Variants in SH3GL2 observed in about 807,000 individuals in gnomAD.
The protein encoded by SH3GL2 is SH3 domain containing GRB2 like 2, endophilin A1.
Under a neutral mutation model 46.0 loss-of-function variants are expected in SH3GL2, and 24 were observed. That is an observed-to-expected ratio of 0.52 (90% CI 0.38 to 0.73). The LOEUF is 0.73. Among genes scored for constraint, SH3GL2 ranks in the 30% least tolerant of loss-of-function variants. SH3GL2 has a pLI of 0.00. For missense variants in SH3GL2, 413 were observed against 424.2 expected (o/e 0.97, Z 0.23); for synonymous variants, 196 against 147.1 (o/e 1.33, Z -2.40).
intron 1 of SH3GL2, among the ~76,000 whole-genome samples, chr9:17,666,458 T>C (rs747164506): frequency 2.0e-5 from 3 of 151,934 alleles, no homozygotes; most frequent in Non-Finnish European, 4.4e-5. Context: ...GTATCATTAG[T>C]TTTTGGTTTA....
chr9:17,740,021 C>T (rs1244031548), intron 1 of SH3GL2, among the ~76,000 whole-genome samples: 1 of 152,076 alleles, frequency 6.6e-6, no homozygotes, highest in African/African-American at 2.4e-5. Flanking sequence ...AAGTTTTTAG[C>T]TCTAGATATT....
intron 1 of SH3GL2, among the ~76,000 whole-genome samples, chr9:17,727,553 GA>G (rs1355741589): frequency 1.3e-5 from 2 of 152,148 alleles, no homozygotes; most frequent in African/African-American, 4.8e-5. Context: ...GGCCACCTCT[GA>G]CTTTCCTGCC....
intron 1 of SH3GL2, among the ~76,000 whole-genome samples, chr9:17,721,376 A>G (rs1821890370): frequency 6.6e-6 from 1 of 152,254 alleles, no homozygotes; most frequent in Non-Finnish European, 1.5e-5. Flanking sequence ...TAGTTTTGAT[A>G]TATAAGGACT....
At chr9:17,589,978 A>C (rs1818450528) in intron 1 of SH3GL2, 1 of 152,122 alleles carries the variant, frequency 6.6e-6, no homozygotes, top group Non-Finnish European at 1.5e-5. Context: ...TGGCACCCTG[A>C]GATATATTTT....
intron 1 of SH3GL2, chr9:17,590,301 G>A (rs3808776): frequency 0.59 from 89,500 of 151,978 alleles, 28,620 homozygotes; most frequent in Non-Finnish European, 0.71. Flanking sequence ...CATCATCATC[G>A]TATAATACAC....
In SH3GL2 at chr9:17,779,536, G is replaced by C. The variant is rs142743663; in HGVS notation, c.188-6845G>C. On this transcript the variant is annotated intron_variant, in intron 3 of 8. Coordinates refer to ENST00000380607, the MANE Select transcript of SH3GL2 (RefSeq NM_003026.5). The stretch of plus-strand genomic sequence containing the variant: ...CCTCTTTCTGCAAATAGGAGTAATT[G>C]AACCAAACCCACAGAGTTGTGAAGA... Among the ~76,000 whole-genome samples the C allele has an allele frequency of 1.7e-4, 26 of 152,120 alleles. 1 individual carries two copies. In the East Asian group the frequency reaches 4.8e-3, roughly 28 times the overall value.
intron 1 of SH3GL2, among the ~76,000 whole-genome samples, chr9:17,649,065 TAACTC>T (rs991268795): frequency 1.3e-5 from 2 of 152,180 alleles, no homozygotes; most frequent in South Asian, 2.1e-4. Context: ...CTTTTTCTCT[TAACTC>T]AAGGATTAAT....
At chr9:17,588,315 C>T (rs1048003131) in intron 1 of SH3GL2, among the ~76,000 whole-genome samples, 4 of 152,180 alleles carry the variant, frequency 2.6e-5, no homozygotes, top group African/African-American at 9.7e-5. Context: ...GTGTACTCTC[C>T]TCCCCTTTGA....
chr9:17,730,804 T>C (rs918407676), intron 1 of SH3GL2, among the ~76,000 whole-genome samples: 1 of 152,076 alleles, frequency 6.6e-6, no homozygotes, highest in Non-Finnish European at 1.5e-5. Flanking sequence ...AGTGCAAAAT[T>C]TTCAGGAAAC....
intron 1 of SH3GL2, among the ~76,000 whole-genome samples, chr9:17,628,427 T>G (rs1450504940): frequency 6.7e-6 from 1 of 148,244 alleles, no homozygotes; most frequent in African/African-American, 2.6e-5. Context: ...TGTGTGTGTG[T>G]GTGTGTGTGT....
intron 3 of SH3GL2, among the ~76,000 whole-genome samples, chr9:17,773,452 C>G (rs987067379): frequency 6.6e-6 from 1 of 152,092 alleles, no homozygotes; most frequent in African/African-American, 2.4e-5. Context: ...GATCTTACAG[C>G]TAGCTCTTTA....
chr9:17,733,474 G>C (rs1028086675), intron 1 of SH3GL2, among the ~76,000 whole-genome samples: 1 of 151,576 alleles, frequency 6.6e-6, no homozygotes, highest in Admixed American at 6.6e-5. Flanking sequence ...GAAACAACAG[G>C]TGCTGGAGAG....
At chr9:17,711,005 C>G (rs1821607889) in intron 1 of SH3GL2, among the ~76,000 whole-genome samples, 1 of 151,912 alleles carries the variant, frequency 6.6e-6, no homozygotes, top group Non-Finnish European at 1.5e-5. Context: ...CTGTCTCTCG[C>G]TCTCTCAGAA....
chr9:17,756,597 T>C (rs946335641), intron 2 of SH3GL2, among the ~76,000 whole-genome samples: 10 of 151,612 alleles, frequency 6.6e-5, no homozygotes, highest in Non-Finnish European at 1.3e-4. Context: ...GTCCTTGCAA[T>C]AGTTTGCTGA....
intron 1 of SH3GL2, among the ~76,000 whole-genome samples, chr9:17,652,930 C>G (rs10756894): frequency 0.35 from 53,489 of 151,886 alleles, 10,654 homozygotes; most frequent in South Asian, 0.55. Flanking sequence ...TACAGCATTT[C>G]CTGTAGGTAA....
At chr9:17,778,070 C>T (rs1823695257) in intron 3 of SH3GL2, among the ~76,000 whole-genome samples, 1 of 152,094 alleles carries the variant, frequency 6.6e-6, no homozygotes, top group Non-Finnish European at 1.5e-5. Context: ...AACATACTTC[C>T]ATAACACAAT....
intron 8 of SH3GL2, among the ~76,000 whole-genome samples, chr9:17,794,607 A>T (rs566346800): frequency 6.6e-6 from 1 of 152,194 alleles, no homozygotes; most frequent in Non-Finnish European, 1.5e-5. Flanking sequence ...AATAAATTAC[A>T]TTGTTTCCTT....
intron 1 of SH3GL2, among the ~76,000 whole-genome samples, chr9:17,638,540 A>G (rs1029212191): frequency 1.3e-5 from 2 of 152,200 alleles, no homozygotes; most frequent in African/African-American, 2.4e-5. Context: ...ATTATTTTGG[A>G]TAGAGTGGTG....
At chr9:17,781,499 G>A (rs1237953042) in intron 3 of SH3GL2, among the ~76,000 whole-genome samples, 1 of 151,652 alleles carries the variant, frequency 6.6e-6, no homozygotes, top group Admixed American at 6.6e-5. Context: ...GATCCCATTT[G>A]TCAATTTTGG....
Sources: gnomAD v4.1 joint callset for allele counts (sites outside exome capture counted in the v4.1 genomes callset) on GRCh38, gnomAD v4.1.1 for gene constraint, MANE v1.5 for transcripts, NCBI Gene and HGNC (gene_info 2026-07-23, HGNC 2026-07-21) for gene names.